UBOX5: variants seen among roughly 807,000 people sequenced by gnomAD.
The protein encoded by UBOX5 is RING finger protein 37.
A neutral mutation model predicts 39.0 loss-of-function variants in UBOX5; 28 were observed. That is an observed-to-expected ratio of 0.72 (90% confidence interval 0.53 to 0.98). UBOX5 has a LOEUF of 0.98. UBOX5 is among the 50% of genes least tolerant of loss of function. UBOX5 has a pLI of 0.00. For synonymous variants in UBOX5, 283 were observed against 275.5 expected (o/e 1.03, Z -0.27); for missense variants, 585 against 674.4 (o/e 0.87, Z 1.47).
chr20:3,109,987 G>A lies in UBOX5; in HGVS notation c.*119C>T. The stretch of plus-strand genomic sequence containing the variant: ...CGTGAGGTGATGAAGAAGAGCCCCG[G>A]GAGGGAGCAGGCAGCTCTGTGCCTG... On this transcript the variant is annotated 3_prime_UTR_variant, in exon 5 of 5. Coordinates refer to ENST00000217173, the MANE Select transcript of UBOX5 (RefSeq NM_014948.4). 3 of 1,202,846 alleles carry A rather than the reference G, an allele frequency of 2.5e-6. No homozygotes were observed. Among genetic ancestry groups the A allele is most frequent in the Non-Finnish European group, 3.6e-6 (3 of 843,434 alleles). 74.5% of individuals were successfully genotyped at this position (1,202,846 alleles called of 1,614,324 possible).
intron 1 of UBOX5, chr20:3,148,876 A>C (rs2066596456): frequency 4.3e-6 from 7 of 1,614,100 alleles, no homozygotes; most frequent in South Asian, 3.3e-5. Context: ...GGATTCTCCG[A>C]GAAGAGAAGG....
chr20:3,109,804 G>A lies in UBOX5; in HGVS notation c.*302C>T, dbSNP rs1205604577. 2.2e-6 allele frequency: 1 copy of A among 453,872 alleles called. No individual in the cohort carries two copies. Among genetic ancestry groups the A allele is most frequent in the African/African-American group, 2.0e-5 (1 of 50,198 alleles). The allele number at this position is 453,872 out of a possible 1,614,324, so 28.1% of individuals were successfully genotyped here. A position where few individuals can be genotyped will look rare whatever the true frequency, so the allele number is the denominator to read the frequency against. ...AGGGGGGTATGCGGACTGCACGGGG[G>A]GGCCCTCAGCAGGGGTCTTCCTGCC... On this transcript the variant is annotated 3_prime_UTR_variant, in exon 5 of 5. Transcript: ENST00000217173.
Position 3,122,207 on chromosome 20 carries a change from C to T in UBOX5, c.432G>A (p.Ala144=), listed in dbSNP as rs766249139. 27 of 1,614,108 alleles carry T rather than the reference C, an allele frequency of 1.7e-5. No homozygotes were observed. The highest frequency in any genetic ancestry group is 5.0e-5 in the Admixed American group (3 of 60,012). The change falls in exon 3 of 5, where the codon GCG becomes GCA. Residue 144 remains alanine, a synonymous_variant. Transcript: ENST00000217173. The part of the protein sequence containing the change: ...RGFKARPPFG[A]MEATLPSPAV... ...CAGGGGAGGGGAGTGTGGCTTCCATCGCGCCAAAAGGGGGCCTGGCCTTGA... is the reference window on the plus strand; with the variant it reads ...CAGGGGAGGGGAGTGTGGCTTCCATTGCGCCAAAAGGGGGCCTGGCCTTGA...
At chr20:3,116,612 T>A in intron 3 of UBOX5, 1 of 152,232 alleles carries the variant, frequency 6.6e-6, no homozygotes, top group East Asian at 1.9e-4. Context: ...AAGGACCTTT[T>A]TCCTTGTTCC....
intron 1 of UBOX5, chr20:3,147,613 T>C (rs17850190): frequency 1.9e-6 from 3 of 1,614,082 alleles, no homozygotes; most frequent in Admixed American, 1.7e-5. Flanking sequence ...TTAACTCTAC[T>C]GGAAAGTACT....
intron 1 of UBOX5, among the ~76,000 whole-genome samples, chr20:3,129,191 T>C (rs968232956): frequency 2.6e-5 from 4 of 152,160 alleles, no homozygotes; most frequent in African/African-American, 9.7e-5. Flanking sequence ...AAATATAAGT[T>C]GAGGGAACAT....
intron 4 of UBOX5, 142 bp downstream of exon 4, chr20:3,115,163 C>T (rs756453164): frequency 1.9e-6 from 2 of 1,064,532 alleles, no homozygotes; most frequent in Non-Finnish European, 2.6e-6. Context: ...AGAACAGGTT[C>T]TCTCCCAGGG....
intron 1 of UBOX5, among the ~76,000 whole-genome samples, chr20:3,132,859 A>G (rs1326580831): frequency 6.7e-6 from 1 of 150,340 alleles, no homozygotes; most frequent in Non-Finnish European, 1.5e-5. Context: ...GGTTGTGTAC[A>G]CCTATAAATT....
intron 1 of UBOX5, among the ~76,000 whole-genome samples, chr20:3,141,152 C>T (rs528383238): frequency 2.5e-3 from 387 of 151,834 alleles, no homozygotes; most frequent in African/African-American, 8.9e-3. Context: ...CTCCTGACCT[C>T]AGGTGATCCG....
chr20:3,120,516 C>T lies in UBOX5; in HGVS notation c.1255+868G>A, dbSNP rs367783903. On this transcript the variant is annotated intron_variant, in intron 3 of 4. Transcript: ENST00000217173. ...ACAAAAACTTAGCCAGGCGTGGTGG[C>T]GGGCGCCTAATCCCAGCTACTCGGG... Among the ~76,000 whole-genome samples, 7 of 151,366 alleles carry T rather than the reference C, an allele frequency of 4.6e-5. No homozygotes were observed. In the East Asian group the frequency reaches 5.8e-4, roughly 13 times the overall value.
intron 1 of UBOX5, among the ~76,000 whole-genome samples, chr20:3,140,434 C>T (rs1177530708): frequency 6.6e-6 from 1 of 152,182 alleles, no homozygotes; most frequent in East Asian, 1.9e-4. Context: ...TTTTTACTAC[C>T]ATTTACTCAG....
chr20:3,124,262 C>T (rs759254502), intron 1 of UBOX5, among the ~76,000 whole-genome samples: 50 of 152,156 alleles, frequency 3.3e-4, no homozygotes, highest in Non-Finnish European at 4.6e-4. Flanking sequence ...CCTCTGTTGC[C>T]GAGGCTGGAC....
At chr20:3,152,407 C>T (rs1205028605) in intron 1 of UBOX5, among the ~76,000 whole-genome samples, 4 of 151,836 alleles carry the variant, frequency 2.6e-5, no homozygotes, top group Non-Finnish European at 4.4e-5. Flanking sequence ...GAGGCTGAGG[C>T]GGGAGAATCA....
Position 3,109,885 on chromosome 20 carries a change from G to T in UBOX5, c.*221C>A, listed in dbSNP as rs62206086. The stretch of plus-strand genomic sequence containing the variant: ...GCTCAGGCAGGGGGGGTGGCAGGGA[G>T]GCAGGGACATCCCCCCGCCCTCTGG... On this transcript the variant is annotated 3_prime_UTR_variant, in exon 5 of 5. Coordinates refer to ENST00000217173, the MANE Select transcript of UBOX5 (RefSeq NM_014948.4). The T allele has an allele frequency of 2.1e-3, 1,301 of 609,236 alleles. 3 individuals are homozygous for T. Among genetic ancestry groups the T allele is most frequent in the Non-Finnish European group, 2.9e-3 (1,020 of 348,996 alleles). 37.7% of individuals were successfully genotyped at this position (609,236 alleles called of 1,614,324 possible).
At chr20:3,157,094 C>A (rs1392599631) in intron 1 of UBOX5, among the ~76,000 whole-genome samples, 1 of 126,754 alleles carries the variant, frequency 7.9e-6, no homozygotes, top group Non-Finnish European at 1.5e-5. Flanking sequence ...GACCCTGTCT[C>A]TACCAAAAAA....
intron 1 of UBOX5, among the ~76,000 whole-genome samples, chr20:3,140,700 G>T (rs557556713): frequency 1.3e-5 from 2 of 151,992 alleles, no homozygotes; most frequent in East Asian, 3.9e-4. Flanking sequence ...ATCTTTCTTA[G>T]GGTTACCAGA....
intron 4 of UBOX5, 24 bp downstream of exon 4, chr20:3,115,281 A>G: frequency 1.9e-6 from 3 of 1,601,234 alleles, no homozygotes; most frequent in Non-Finnish European, 8.5e-7. Context: ...CAAGGCTCCA[A>G]GGAGATGGCG....
rs370549507 is a variant in UBOX5 at position 3,132,324 on chromosome 20, C to G, written c.-41-8918G>C. On this transcript the variant is annotated intron_variant, in intron 1 of 4. Transcript: ENST00000217173. Reference sequence around the variant, plus strand: ...GACCCTGTCTCAAAACAAAACAGAACAAAAACAAAACACAAAGAATTATAC... The same window carrying G: ...GACCCTGTCTCAAAACAAAACAGAAGAAAAACAAAACACAAAGAATTATAC... Among the ~76,000 whole-genome samples, 18 of 151,928 alleles carry G rather than the reference C, an allele frequency of 1.2e-4. No individual in the cohort carries two copies. The South Asian group carries it at 3.8e-3, about 32-fold the overall frequency.
intron 1 of UBOX5, among the ~76,000 whole-genome samples, chr20:3,133,967 G>A (rs141097203): frequency 7.9e-5 from 12 of 152,024 alleles, no homozygotes; most frequent in Non-Finnish European, 1.5e-4. Context: ...ATGTTGCCCA[G>A]GCTCTTCTCA....
Sources: gnomAD v4.1 joint callset for allele counts (sites outside exome capture counted in the v4.1 genomes callset) on GRCh38, gnomAD v4.1.1 for gene constraint, MANE v1.5 for transcripts, NCBI Gene and HGNC (gene_info 2026-07-23, HGNC 2026-07-21) for gene names.